Variants in RNASEH1 observed in about 807,000 individuals in gnomAD.
RNASEH1 encodes the protein ribonuclease H1.
RNASEH1 carries 27 observed loss-of-function variants against 34.6 expected under a neutral mutation model. That is an observed-to-expected ratio of 0.78 (90% CI 0.58 to 1.08). The LOEUF (loss-of-function observed/expected upper bound fraction) is 1.08. Ranked by LOEUF, RNASEH1 falls within the 50% of genes least tolerant of loss-of-function variation. The probability of loss-of-function intolerance (pLI) is 0.00; values close to 1 mark genes in which losing one functional copy is unlikely to be tolerated. For synonymous variants in RNASEH1, 162 were observed against 138.4 expected (o/e 1.17, Z -1.20); for missense variants, 349 against 373.6 (o/e 0.93, Z 0.54).
At chr2:3,552,999 C>T (rs2147755561) in intron 2 of RNASEH1, among the ~76,000 whole-genome samples, 1 of 152,168 alleles carries the variant, frequency 6.6e-6, no homozygotes, top group East Asian at 1.9e-4. Context: ...GAAAGGAAAA[C>T]AGGGCTGGGA....
chr2:3,551,756 CTT>C (rs943257129), intron 3 of RNASEH1, among the ~76,000 whole-genome samples: 4 of 152,264 alleles, frequency 2.6e-5, no homozygotes, highest in East Asian at 1.9e-4. Context: ...AATAGAATCT[CTT>C]GTTTTCCAAA....
At chr2:3,555,792 G>T (rs1035370960) in intron 2 of RNASEH1, among the ~76,000 whole-genome samples, 3 of 151,918 alleles carry the variant, frequency 2.0e-5, no homozygotes, top group Admixed American at 6.6e-5. Flanking sequence ...CTGCATAATG[G>T]GCTTTAAACT....
chr2:3,543,007 A>G lies in RNASEH1; in HGVS notation c.*2778T>C, dbSNP rs996390254. Among the ~76,000 whole-genome samples, 1 of 152,224 alleles carries G rather than the reference A, an allele frequency of 6.6e-6. No homozygotes were observed. Among genetic ancestry groups the G allele is most frequent in the African/African-American group, 2.4e-5 (1 of 41,454 alleles). On this transcript the variant is annotated 3_prime_UTR_variant, in exon 8 of 8. Coordinates refer to ENST00000315212, the MANE Select transcript of RNASEH1 (RefSeq NM_002936.6). Reference sequence around the variant, plus strand: ...GACTCTGGGAAAAATAATGGATTCCAAGTGTTAAACGGAATTAAGTTTGGC... The same window carrying G: ...GACTCTGGGAAAAATAATGGATTCCGAGTGTTAAACGGAATTAAGTTTGGC...
intron 4 of RNASEH1, among the ~76,000 whole-genome samples, chr2:3,549,345 C>T (rs932107222): frequency 5.9e-5 from 9 of 152,208 alleles, no homozygotes; most frequent in Non-Finnish European, 8.8e-5. Context: ...TGGTTCTCTG[C>T]GGACCCTGGG....
Position 3,551,413 on chromosome 2 carries a change from C to T in RNASEH1, c.409+731G>A, listed in dbSNP as rs947683838. ...TCCAGCAATGGTCAGTGTCTGGAAA[C>T]GGCTCATCTCCCTGCAACTCCACAA... On this transcript the variant is annotated intron_variant, in intron 3 of 7. Transcript: ENST00000315212. 9.8e-5 allele frequency among the ~76,000 whole-genome samples: 15 copies of T among 152,356 alleles called. 1 individual carries two copies. In the South Asian group the frequency reaches 1.5e-3, roughly 15 times the overall value.
At chr2:3,549,146 A>T in intron 4 of RNASEH1, 34 bp from the exon 5 acceptor site, 1 of 1,498,474 alleles carries the variant, frequency 6.7e-7, no homozygotes, top group Non-Finnish European at 9.3e-7. Flanking sequence ...AAATAAAAGT[A>T]TAAAGTGAAT....
At chr2:3,550,858 G>C (rs769942279) in intron 3 of RNASEH1, among the ~76,000 whole-genome samples, 3 of 152,198 alleles carry the variant, frequency 2.0e-5, no homozygotes, top group African/African-American at 7.2e-5. Context: ...TCAGCATGAC[G>C]GTGACCCTGC....
chr2:3,555,988 T>C (rs554655944), intron 2 of RNASEH1, among the ~76,000 whole-genome samples: 1 of 152,202 alleles, frequency 6.6e-6, no homozygotes, highest in African/African-American at 2.4e-5. Flanking sequence ...CTGGCCAATA[T>C]GGTGAAATCC....
chr2:3,546,606 G>T (rs541152856), intron 7 of RNASEH1, among the ~76,000 whole-genome samples: 62 of 152,144 alleles, frequency 4.1e-4, no homozygotes, highest in Non-Finnish European at 8.4e-4. Flanking sequence ...GTGTTACTTC[G>T]TGTTCTTAAC....
chr2:3,553,570 TTAG>T (rs2147761424), intron 2 of RNASEH1, among the ~76,000 whole-genome samples: 1 of 125,086 alleles, frequency 8.0e-6, no homozygotes, highest in African/African-American at 3.6e-5. Flanking sequence ...TTTTGTATTT[TTAG>T]TAGAGATGGG....
rs747553883 is a variant in RNASEH1 at position 3,543,996 on chromosome 2, T to G, written c.*1789A>C. Among the ~76,000 whole-genome samples the G allele has an allele frequency of 4.6e-5, 7 of 152,190 alleles. No individual in the cohort carries two copies. The highest frequency in any genetic ancestry group is 7.2e-5 in the African/African-American group (3 of 41,442). On this transcript the variant is annotated 3_prime_UTR_variant, in exon 8 of 8. Coordinates refer to ENST00000315212, the MANE Select transcript of RNASEH1 (RefSeq NM_002936.6). ...CTAATGCATTATCTTAAAAACTTAGTGTACAAGAGCAAAGAATCAAGCATT... is the reference window on the plus strand; with the variant it reads ...CTAATGCATTATCTTAAAAACTTAGGGTACAAGAGCAAAGAATCAAGCATT...
At chr2:3,538,711 TTA>T (rs976169903), downstream of RNASEH1, among the ~76,000 whole-genome samples, 5 of 152,186 alleles carry the variant, frequency 3.3e-5, no homozygotes, top group Non-Finnish European at 7.3e-5. Context: ...TCTTTTATTT[TTA>T]TGTGTGCAAG....
At chr2:3,548,749 T>A (rs1338180743) in intron 5 of RNASEH1, 25 bp from the exon 6 acceptor site, 1 of 1,563,274 alleles carries the variant, frequency 6.4e-7, no homozygotes, top group Non-Finnish European at 8.8e-7. Context: ...TCGATAGTCA[T>A]GCTACAGAAA....
In RNASEH1 at chr2:3,552,173, G is replaced by T; in HGVS notation, c.380C>A (p.Pro127Gln). The change falls in exon 3 of 8, where the codon CCA becomes CAA. Residue 127 changes from proline to glutamine, a missense_variant. Pro to Gln is a moderately conservative substitution (Grantham distance 76). Transcript: ENST00000315212. Reference sequence around the variant, plus strand: ...GTAGGAAAACGTGTCTCTGCTAACTGGAGGCGCCGGCTCCACGCTCGGCTT... The same window carrying T: ...GTAGGAAAACGTGTCTCTGCTAACTTGAGGCGCCGGCTCCACGCTCGGCTT... ...HMKPSVEPAP[P>Q]VSRDTFSYMG... 2.5e-6 allele frequency: 4 copies of T among 1,611,366 alleles called. No homozygotes were observed. Among genetic ancestry groups the T allele is most frequent in the Non-Finnish European group, 3.4e-6 (4 of 1,179,624 alleles).
Position 3,542,931 on chromosome 2 carries a change from G to A in RNASEH1, c.*2854C>T, listed in dbSNP as rs546416991. 1.3e-5 allele frequency among the ~76,000 whole-genome samples: 2 copies of A among 152,236 alleles called. No individual in the cohort carries two copies. The highest frequency in any genetic ancestry group is 4.8e-5 in the African/African-American group (2 of 41,528). ...CAAAAATCTAGAAATAATGACCAACGCAATAGCAATGAGCATCCTAAACTG... is the reference window on the plus strand; with the variant it reads ...CAAAAATCTAGAAATAATGACCAACACAATAGCAATGAGCATCCTAAACTG... On this transcript the variant is annotated 3_prime_UTR_variant, in exon 8 of 8. Coordinates refer to ENST00000315212, the MANE Select transcript of RNASEH1 (RefSeq NM_002936.6).
intron 2 of RNASEH1, among the ~76,000 whole-genome samples, chr2:3,555,099 G>A (rs1294651306): frequency 6.6e-6 from 1 of 152,192 alleles, no homozygotes; most frequent in African/African-American, 2.4e-5. Flanking sequence ...GGAGCATCAT[G>A]GCCTGACCAA....
intron 7 of RNASEH1, 100 bp from the exon 8 acceptor site, chr2:3,545,971 A>G (rs576293785): frequency 5.0e-5 from 41 of 820,666 alleles, no homozygotes; most frequent in Admixed American, 1.9e-5. Flanking sequence ...CAGACTGCAC[A>G]GCATAAGCTC....
intron 7 of RNASEH1, among the ~76,000 whole-genome samples, chr2:3,547,580 T>C (rs900298075): frequency 2.6e-5 from 4 of 151,830 alleles, no homozygotes; most frequent in East Asian, 3.9e-4. Flanking sequence ...TTCCGCCTCC[T>C]GGGTTCAAGT....
chr2:3,556,430 C>G (rs369794392), intron 2 of RNASEH1, among the ~76,000 whole-genome samples: 139 of 151,754 alleles, frequency 9.2e-4, no homozygotes, highest in African/African-American at 3.1e-3. Flanking sequence ...CTCAGCCTCC[C>G]GAGTAGCTGG....
Sources: allele counts gnomAD v4.1 joint callset (sites outside exome capture counted in the v4.1 genomes callset), GRCh38; gene constraint gnomAD v4.1.1; transcripts MANE v1.5; gene names NCBI Gene and HGNC (gene_info 2026-07-23, HGNC 2026-07-21).